Variants in RAB11A observed in about 807,000 individuals in gnomAD.
RAB11A encodes ras-related protein Rab-11A.
In RAB11A, 9 loss-of-function variants were observed where a neutral mutation model predicts 28.0. The ratio of observed to expected loss-of-function variants is 0.32; its 90% CI spans 0.19 to 0.56. The LOEUF (loss-of-function observed/expected upper bound fraction) is 0.56, where lower values mean the gene tolerates loss of function less well. RAB11A is among the 20% of genes least tolerant of loss of function. RAB11A has a pLI of 0.91. For synonymous variants in RAB11A, 85 were observed against 88.2 expected (o/e 0.96, Z 0.20); for missense variants, 108 against 269.6 (o/e 0.40, Z 4.20).
chr15:65,873,600 C>CTGGA (rs1232745638), intron 1 of RAB11A, among the ~76,000 whole-genome samples: 3 of 152,024 alleles, frequency 2.0e-5, no homozygotes, highest in African/African-American at 7.2e-5. Flanking sequence ...GTTGCCCAGT[C>CTGGA]TGGAGTGCCA....
At chr15:65,879,593 T>A (rs1297783009) in intron 3 of RAB11A, 78 bp from the exon 4 acceptor site, 1 of 1,122,556 alleles carries the variant, frequency 8.9e-7, no homozygotes, top group Non-Finnish European at 1.3e-6. Flanking sequence ...TTCTGTTATT[T>A]TTCCTTTTGA....
At chr15:65,885,361 C>T (rs995173220) in intron 4 of RAB11A, among the ~76,000 whole-genome samples, 7 of 151,920 alleles carry the variant, frequency 4.6e-5, no homozygotes, top group Admixed American at 6.6e-5. Context: ...CTCCTGACCT[C>T]GTGATCCGCC....
At chr15:65,876,641 C>T (rs74021896) in intron 1 of RAB11A, among the ~76,000 whole-genome samples, 28 of 152,244 alleles carry the variant, frequency 1.8e-4, no homozygotes, top group African/African-American at 6.5e-4. Flanking sequence ...TATTAGTTTC[C>T]TAATACCCCC....
intron 4 of RAB11A, among the ~76,000 whole-genome samples, chr15:65,882,317 G>C (rs1050787964): frequency 1.3e-5 from 2 of 152,232 alleles, no homozygotes; most frequent in Non-Finnish European, 2.9e-5. Context: ...TCTTCCTCCT[G>C]TATGCCAGTG....
At position 65,891,801 on chromosome 15, in the gene RAB11A, A is replaced by G. The variant is rs1351112333; in HGVS notation, c.*3961A>G. 1.3e-5 allele frequency: 2 copies of G among 152,170 alleles called. No homozygotes were observed. The highest frequency in any genetic ancestry group is 4.8e-5 in the African/African-American group (2 of 41,442). 9.4% of individuals were successfully genotyped at this position (152,170 alleles called of 1,614,324 possible). ...AGCTTTCAGAACATTTATTTGCAAA[A>G]TGACTGTCAATATCAACAATATGCA... On this transcript the variant is annotated 3_prime_UTR_variant, in exon 5 of 5. Transcript: ENST00000261890.
intron 4 of RAB11A, among the ~76,000 whole-genome samples, chr15:65,886,065 A>G (rs1046408416): frequency 2.6e-5 from 4 of 152,224 alleles, no homozygotes; most frequent in African/African-American, 9.6e-5. Context: ...GTGGGTCTGG[A>G]TCTCAGGCAG....
At chr15:65,871,954 CAG>C (rs919183353) in intron 1 of RAB11A, among the ~76,000 whole-genome samples, 2 of 93,512 alleles carry the variant, frequency 2.1e-5, no homozygotes, top group Non-Finnish European at 3.8e-5. Flanking sequence ...TTTTTGGAGA[CAG>C]GGTCTCGCTC....
In RAB11A at chr15:65,877,575, G is replaced by T. The variant is rs776304742; in HGVS notation, c.236+48G>T. On this transcript the variant is annotated intron_variant, in intron 2 of 4. Coordinates refer to ENST00000261890, the MANE Select transcript of RAB11A (RefSeq NM_004663.5). The surrounding 1 kb of genome is among the most constrained non-coding windows in gnomAD (Gnocchi z 4.1). ...TCTGTGAAATGGGTTGCCATCGAGTGAATTAGCTGACTTTTGGTATTGGAA... is the reference window on the plus strand; with the variant it reads ...TCTGTGAAATGGGTTGCCATCGAGTTAATTAGCTGACTTTTGGTATTGGAA... 20 of 1,541,158 alleles carry T rather than the reference G, an allele frequency of 1.3e-5. No homozygotes were observed. In the East Asian group the frequency reaches 3.6e-4, roughly 28 times the overall value.
chr15:65,882,422 C>T (rs1371464070), intron 4 of RAB11A, among the ~76,000 whole-genome samples: 2 of 152,148 alleles, frequency 1.3e-5, no homozygotes, highest in South Asian at 2.1e-4. Flanking sequence ...GGAGTATTTA[C>T]GTTGTGTTTT....
rs28727580 is a variant in RAB11A, at chr15:65,884,792, A to G, written c.512-2909A>G. Among the ~76,000 whole-genome samples the G allele has an allele frequency of 9.2e-3, 1,388 of 151,140 alleles. 21 individuals carry two copies. Among genetic ancestry groups the G allele is most frequent in the African/African-American group, 0.031 (1,296 of 41,268 alleles). The stretch of plus-strand genomic sequence containing the variant: ...AAAAAAACCAAACCAAAAACCTGAT[A>G]AGAAAGTAGGAAGCAGGTAACTTCT... On this transcript the variant is annotated intron_variant, in intron 4 of 4. Transcript: ENST00000261890.
intron 3 of RAB11A, among the ~76,000 whole-genome samples, chr15:65,878,920 G>A (rs899640077): frequency 4.0e-5 from 6 of 151,748 alleles, no homozygotes; most frequent in East Asian, 1.9e-4. Flanking sequence ...GGTGTCATTC[G>A]TCACTAGTGA....
chr15:65,874,227 C>CTTT (rs1005009654), intron 1 of RAB11A, among the ~76,000 whole-genome samples: 1 of 141,250 alleles, frequency 7.1e-6, no homozygotes, highest in Non-Finnish European at 1.6e-5. Flanking sequence ...TAGTTGATAA[C>CTTT]TTTTTTTTTT....
chr15:65,878,474 G>T (rs1320883016), intron 3 of RAB11A, among the ~76,000 whole-genome samples: 1 of 152,142 alleles, frequency 6.6e-6, no homozygotes, highest in East Asian at 1.9e-4. Flanking sequence ...ATGAGGTCAG[G>T]AGATTGAGAC....
chr15:65,883,787 C>A (rs540029610), intron 4 of RAB11A, among the ~76,000 whole-genome samples: 1 of 151,906 alleles, frequency 6.6e-6, no homozygotes, highest in African/African-American at 2.4e-5. Context: ...CCTGGCCTCA[C>A]GTGATTCGCC....
chr15:65,882,601 A>C (rs972589960), intron 4 of RAB11A, among the ~76,000 whole-genome samples: 2 of 152,192 alleles, frequency 1.3e-5, no homozygotes, highest in African/African-American at 2.4e-5. Context: ...TTGTAAAATT[A>C]TATATCAGAA....
chr15:65,871,544 G>C (rs941970956), intron 1 of RAB11A, among the ~76,000 whole-genome samples: 1 of 152,112 alleles, frequency 6.6e-6, no homozygotes, highest in African/African-American at 2.4e-5. Flanking sequence ...AGACCGTCAG[G>C]GTATTTCTCC....
chr15:65,877,987 C>G lies in RAB11A; in HGVS notation c.430+32C>G, dbSNP rs2078199297. 1 of 1,572,454 alleles carries G rather than the reference C, an allele frequency of 6.4e-7. No individual in the cohort carries two copies. Among genetic ancestry groups the G allele is most frequent in the African/African-American group, 1.4e-5 (1 of 73,864 alleles). ...GATAGGAATTCCATGATATTTCTTA[C>G]CATTGTGTCTTGTGGTTTTGATACC... On this transcript the variant is annotated intron_variant, in intron 3 of 4. Coordinates refer to ENST00000261890, the MANE Select transcript of RAB11A (RefSeq NM_004663.5). This position sits in a 1 kb window ranked among gnomAD's most constrained non-coding sequence, Gnocchi z 4.1.
rs1035116544 is a variant in RAB11A, at chr15:65,889,068, T to C, written c.*1228T>C. The stretch of plus-strand genomic sequence containing the variant: ...TCATTCAGAAATGTGCACACTAATA[T>C]TTAGTTTTGCTTTCTCGTGGATAAT... On this transcript the variant is annotated 3_prime_UTR_variant, in exon 5 of 5. Coordinates refer to ENST00000261890, the MANE Select transcript of RAB11A (RefSeq NM_004663.5). 3 of 152,684 alleles carry C rather than the reference T, an allele frequency of 2.0e-5. No homozygotes were observed. Among genetic ancestry groups the C allele is most frequent in the African/African-American group, 4.8e-5 (2 of 41,474 alleles). The allele number at this position is 152,684 out of a possible 1,614,324, so 9.5% of individuals were successfully genotyped here.
chr15:65,887,939 A>G lies in RAB11A; in HGVS notation c.*99A>G. On this transcript the variant is annotated 3_prime_UTR_variant, in exon 5 of 5. Transcript: ENST00000261890. ...TCTTGTGTCACTTTTGTGTTTTATT[A>G]CTTCATACTTATGAATTTTTCCATG... 4.0e-6 allele frequency: 5 copies of G among 1,243,728 alleles called. No individual in the cohort carries two copies. Among genetic ancestry groups the G allele is most frequent in the Non-Finnish European group, 4.2e-6 (4 of 944,416 alleles). The allele number at this position is 1,243,728 out of a possible 1,614,324, so 77.0% of individuals were successfully genotyped here.
Sources: gnomAD v4.1 joint callset for allele counts (sites outside exome capture counted in the v4.1 genomes callset) on GRCh38, gnomAD v4.1.1 for gene constraint, Gnocchi (gnomAD v3.1) non-coding constraint, MANE v1.5 for transcripts, NCBI Gene and HGNC (gene_info 2026-07-23, HGNC 2026-07-21) for gene names.